CSMD1: variants seen among roughly 807,000 people sequenced by gnomAD.
CSMD1 encodes the protein CUB and Sushi multiple domains 1.
A neutral mutation model predicts 417.5 loss-of-function variants in CSMD1; 213 were observed. That is an observed-to-expected ratio of 0.51 (90% CI 0.46 to 0.57). The LOEUF is 0.57. CSMD1 is among the 20% of genes least tolerant of loss of function. The pLI, the probability that CSMD1 is intolerant of heterozygous loss-of-function variation, is 0.00. For synonymous variants in CSMD1, 2,862 were observed against 1,736.8 expected, an observed-to-expected ratio of 1.65 and a Z score of -16.11; for missense variants, 6,923 against 4,529.7, an observed-to-expected ratio of 1.53 and a Z score of -15.17.
intron 1 of CSMD1, among the ~76,000 whole-genome samples, chr8:4,969,184 G>C (rs28741985): frequency 0.011 from 1,661 of 152,180 alleles, 27 homozygotes; most frequent in African/African-American, 0.037. Flanking sequence ...GTGTGCGTGT[G>C]TGTTGGTCTC....
At chr8:4,109,434 A>G (rs949941263) in intron 3 of CSMD1, among the ~76,000 whole-genome samples, 1 of 152,208 alleles carries the variant, frequency 6.6e-6, no homozygotes, top group African/African-American at 2.4e-5. Flanking sequence ...AGTTTCATCT[A>G]TTTGGGAATT....
At position 4,499,791 on chromosome 8, in the gene CSMD1, G is replaced by C. The variant is rs7824219; in HGVS notation, c.303-79726C>G. Among the ~76,000 whole-genome samples, 1,173 of 152,152 alleles carry C rather than the reference G, an allele frequency of 7.7e-3. 16 individuals carry two copies. Among genetic ancestry groups the C allele is most frequent in the African/African-American group, 0.027 (1,138 of 41,532 alleles). ...AGGTGAAGAGAGGGAAGGAAGGGAA[G>C]TAAATTTGCATACAAGAGCTATACT... is the stretch of plus-strand genomic sequence containing the variant. On this transcript the variant is annotated intron_variant, in intron 2 of 69. Coordinates refer to ENST00000635120, the MANE Select transcript of CSMD1 (RefSeq NM_033225.6).
intron 3 of CSMD1, among the ~76,000 whole-genome samples, chr8:4,319,981 A>G (rs187959642): frequency 8.5e-4 from 129 of 152,296 alleles, no homozygotes; most frequent in Non-Finnish European, 1.2e-3. Flanking sequence ...GAGTGGAAAA[A>G]TATCATAAAA....
chr8:4,622,225 T>C (rs1801822862), intron 2 of CSMD1, among the ~76,000 whole-genome samples: 1 of 148,974 alleles, frequency 6.7e-6, no homozygotes, highest in African/African-American at 2.5e-5. Flanking sequence ...ACCTGGAGGC[T>C]CAGGCAGAGT....
At chr8:3,005,937 G>A (rs193003215) in intron 52 of CSMD1, among the ~76,000 whole-genome samples, 11 of 152,210 alleles carry the variant, frequency 7.2e-5, no homozygotes, top group African/African-American at 2.6e-4. Flanking sequence ...TTAGGCAGGA[G>A]AAGGAAATAA....
chr8:4,281,018 G>T (rs1344658119), intron 3 of CSMD1, among the ~76,000 whole-genome samples: 2 of 152,098 alleles, frequency 1.3e-5, no homozygotes, highest in Non-Finnish European at 2.9e-5. Flanking sequence ...AATTAAGTGA[G>T]TTTTAAAATT....
At chr8:4,805,581 G>T (rs1475604074) in intron 1 of CSMD1, among the ~76,000 whole-genome samples, 2 of 152,148 alleles carry the variant, frequency 1.3e-5, no homozygotes, top group African/African-American at 4.8e-5. Context: ...AAATGGAGAG[G>T]AAGACGCTGA....
chr8:3,629,348 T>C (rs951543627), intron 7 of CSMD1, among the ~76,000 whole-genome samples: 1 of 152,296 alleles, frequency 6.6e-6, no homozygotes, highest in East Asian at 1.9e-4. Flanking sequence ...GACATTCAGA[T>C]ACAGCGTCCT....
At chr8:4,196,202 C>T (rs954383813) in intron 3 of CSMD1, among the ~76,000 whole-genome samples, 3 of 152,120 alleles carry the variant, frequency 2.0e-5, no homozygotes, top group Non-Finnish European at 2.9e-5. Context: ...CGGAGCAAGA[C>T]TCCGTTTCAA....
In CSMD1 at chr8:4,464,887, T is replaced by G. The variant is rs143917508; in HGVS notation, c.303-44822A>C. ...TAGTTTTATTAGTTTTTTATTAGTT[T>G]TTATTAGTTTTATTAGCCTCTCCAT... is the stretch of plus-strand genomic sequence containing the variant. On this transcript the variant is annotated intron_variant, in intron 2 of 69. Transcript: ENST00000635120. Among the ~76,000 whole-genome samples the G allele has an allele frequency of 5.3e-4, 81 of 152,208 alleles. 1 individual carries two copies. Among genetic ancestry groups the G allele is most frequent in the African/African-American group, 1.9e-3 (78 of 41,514 alleles).
intron 2 of CSMD1, among the ~76,000 whole-genome samples, chr8:4,510,398 A>T (rs1802755162): frequency 2.2e-5 from 1 of 45,874 alleles, no homozygotes; most frequent in South Asian, 9.5e-4. Context: ...CCTAAAAAAA[A>T]AAAAAAAAAA....
chr8:3,393,234 T>C (rs560205535), intron 17 of CSMD1, among the ~76,000 whole-genome samples: 1 of 152,148 alleles, frequency 6.6e-6, no homozygotes, highest in Non-Finnish European at 1.5e-5. Flanking sequence ...CAGTGAGCCT[T>C]TGAAGTCACA....
intron 6 of CSMD1, among the ~76,000 whole-genome samples, chr8:3,711,606 G>T (rs1342848350): frequency 6.6e-6 from 1 of 152,094 alleles, no homozygotes; most frequent in Non-Finnish European, 1.5e-5. Context: ...TCATCTCTGT[G>T]TTGTGGTGAC....
intron 29 of CSMD1, among the ~76,000 whole-genome samples, chr8:3,215,522 A>G (rs1342874124): frequency 6.6e-6 from 1 of 152,228 alleles, no homozygotes; most frequent in Non-Finnish European, 1.5e-5. Flanking sequence ...AGTCACTTCC[A>G]CAAAGACCCC....
chr8:3,087,555 C>G (rs921481796), intron 48 of CSMD1, among the ~76,000 whole-genome samples: 1 of 152,158 alleles, frequency 6.6e-6, no homozygotes, highest in African/African-American at 2.4e-5. Context: ...CAAGAGTATC[C>G]AATCTTTAGG....
intron 1 of CSMD1, among the ~76,000 whole-genome samples, chr8:4,853,241 T>C (rs768197778): frequency 2.6e-5 from 4 of 152,170 alleles, no homozygotes; most frequent in African/African-American, 7.2e-5. Flanking sequence ...CAGAGATCTA[T>C]GAGGCAGCCC....
chr8:4,890,783 C>A lies in CSMD1; in HGVS notation c.85+103549G>T, dbSNP rs138611478. ...GAAGAAAGCGCAATCACTTTTGCAC[C>A]GACCTAATACATTCCGGTTAAGGAC... On this transcript the variant is annotated intron_variant, in intron 1 of 69. Transcript: ENST00000635120. Among the ~76,000 whole-genome samples, 530 of 152,200 alleles carry A rather than the reference C, an allele frequency of 3.5e-3. 11 individuals are homozygous for A. The highest frequency in any genetic ancestry group is 0.012 in the African/African-American group (493 of 41,482).
At chr8:4,202,983 G>C (rs767140454) in intron 3 of CSMD1, among the ~76,000 whole-genome samples, 1 of 152,156 alleles carries the variant, frequency 6.6e-6, no homozygotes, top group Non-Finnish European at 1.5e-5. Flanking sequence ...CTCCACCAAA[G>C]ATGTCTGCAT....
intron 25 of CSMD1, among the ~76,000 whole-genome samples, chr8:3,305,279 C>G (rs760381478): frequency 2.0e-5 from 3 of 152,018 alleles, no homozygotes; most frequent in Non-Finnish European, 4.4e-5. Flanking sequence ...GTTGTCCCAA[C>G]AGATCAATAA....
Sources: allele counts gnomAD v4.1 joint callset (sites outside exome capture counted in the v4.1 genomes callset), GRCh38; gene constraint gnomAD v4.1.1; transcripts MANE v1.5; gene names NCBI Gene and HGNC (gene_info 2026-07-23, HGNC 2026-07-21).